Variants in FAM171A1 observed in about 807,000 individuals in gnomAD.
FAM171A1 encodes the protein family with sequence similarity 171 member A1, also known as protein FAM171A1.
A neutral mutation model predicts 74.9 loss-of-function variants in FAM171A1; 23 were observed. The observed-to-expected ratio is 0.31, with a 90% CI of 0.22 to 0.44. The LOEUF is 0.44. Ranked by LOEUF, FAM171A1 falls within the 20% of genes least tolerant of loss-of-function variation. The pLI is 1.00. For synonymous variants in FAM171A1, 527 were observed against 505.7 expected, an observed-to-expected ratio of 1.04 and a Z score of -0.57; for missense variants, 1,162 against 1,159.2, an observed-to-expected ratio of 1.00 and a Z score of -0.03.
chr10:15,361,103 GATTA>G (rs1835988374), intron 1 of FAM171A1, among the ~76,000 whole-genome samples: 1 of 152,028 alleles, frequency 6.6e-6, no homozygotes, highest in Non-Finnish European at 1.5e-5. Context: ...AATAAAATAT[GATTA>G]ATTATAAAGG....
chr10:15,340,686 A>T (rs566765170), intron 1 of FAM171A1, among the ~76,000 whole-genome samples: 1 of 152,292 alleles, frequency 6.6e-6, no homozygotes, highest in South Asian at 2.1e-4. Context: ...GACGCATGCA[A>T]TAAATGGGTT....
In FAM171A1 at chr10:15,272,797, G is replaced by A. The variant is rs543614937; in HGVS notation, c.418+3058C>T. On this transcript the variant is annotated intron_variant, in intron 3 of 7. Transcript: ENST00000378116. ...CAACCTGCTCCTGAATGACTACTGGGTACATAACGAAATGAAGGCAGAAAT... is the reference window on the plus strand; with the variant it reads ...CAACCTGCTCCTGAATGACTACTGGATACATAACGAAATGAAGGCAGAAAT... Among the ~76,000 whole-genome samples, 7 of 152,298 alleles carry A rather than the reference G, an allele frequency of 4.6e-5. No individual in the cohort carries two copies. The South Asian group carries it at 1.5e-3, about 32-fold the overall frequency.
At chr10:15,270,811 G>A (rs1834814005) in intron 3 of FAM171A1, among the ~76,000 whole-genome samples, 1 of 152,176 alleles carries the variant, frequency 6.6e-6, no homozygotes, top group African/African-American at 2.4e-5. Flanking sequence ...CTGCAGCTGA[G>A]GGTCCTGACT....
At chr10:15,295,806 C>T (rs1835154845) in intron 1 of FAM171A1, among the ~76,000 whole-genome samples, 1 of 152,214 alleles carries the variant, frequency 6.6e-6, no homozygotes, top group Non-Finnish European at 1.5e-5. Flanking sequence ...GCTGCCTGGG[C>T]CAGGGAGGCC....
chr10:15,225,568 C>T (rs144030647), intron 5 of FAM171A1, among the ~76,000 whole-genome samples: 105 of 152,344 alleles, frequency 6.9e-4, no homozygotes, highest in African/African-American at 2.4e-3. Context: ...CCTGATGCCA[C>T]TGTGGGATGC....
chr10:15,261,704 C>T (rs1834659421), intron 3 of FAM171A1, among the ~76,000 whole-genome samples: 1 of 152,132 alleles, frequency 6.6e-6, no homozygotes, highest in African/African-American at 2.4e-5. Flanking sequence ...GTAACAGCAT[C>T]TATGAAGGGG....
At chr10:15,367,770 G>T (rs1836084152) in intron 1 of FAM171A1, among the ~76,000 whole-genome samples, 1 of 152,232 alleles carries the variant, frequency 6.6e-6, no homozygotes, top group Admixed American at 6.5e-5. Context: ...AAAACACCTT[G>T]CACTTTTCAG....
At chr10:15,255,290 G>A (rs1045121646) in intron 3 of FAM171A1, among the ~76,000 whole-genome samples, 13 of 152,090 alleles carry the variant, frequency 8.5e-5, no homozygotes, top group African/African-American at 2.4e-4. Context: ...CTGCAAACCC[G>A]TCTTTAATCT....
chr10:15,307,494 A>C (rs993702823), intron 1 of FAM171A1, among the ~76,000 whole-genome samples: 1 of 151,964 alleles, frequency 6.6e-6, no homozygotes, highest in African/African-American at 2.4e-5. Flanking sequence ...AAAACACAGC[A>C]AATTAGCCAG....
chr10:15,228,144 A>G (rs886113024), intron 5 of FAM171A1, among the ~76,000 whole-genome samples: 2 of 152,142 alleles, frequency 1.3e-5, no homozygotes, highest in East Asian at 3.9e-4. Context: ...CCTGCCTGGC[A>G]CATTTACTCT....
chr10:15,236,352 C>T lies in FAM171A1; in HGVS notation c.754+12287G>A, dbSNP rs538544596. 4.0e-5 allele frequency among the ~76,000 whole-genome samples: 6 copies of T among 151,600 alleles called. No individual in the cohort carries two copies. In the East Asian group the frequency reaches 5.8e-4, roughly 15 times the overall value. On this transcript the variant is annotated intron_variant, in intron 5 of 7. Coordinates refer to ENST00000378116, the MANE Select transcript of FAM171A1 (RefSeq NM_001010924.2). ...ATAGCAGCGATGATGATGATAAGAG[C>T]GGCAAACACATACGGAGGGTTTTCC...
intron 6 of FAM171A1, among the ~76,000 whole-genome samples, chr10:15,219,668 G>A (rs1231452116): frequency 3.9e-5 from 6 of 152,114 alleles, no homozygotes; most frequent in Non-Finnish European, 7.4e-5. Flanking sequence ...TGCAACCTCT[G>A]CCTCCTGGGT....
At chr10:15,229,484 CATCA>C (rs1834156858) in intron 5 of FAM171A1, among the ~76,000 whole-genome samples, 1 of 151,572 alleles carries the variant, frequency 6.6e-6, no homozygotes, top group Non-Finnish European at 1.5e-5. Context: ...ATTGTCACCC[CATCA>C]CCATAATCAC....
chr10:15,344,297 T>C (rs1224383131), intron 1 of FAM171A1, among the ~76,000 whole-genome samples: 1 of 152,220 alleles, frequency 6.6e-6, no homozygotes, highest in Non-Finnish European at 1.5e-5. Context: ...AGCAACTGTC[T>C]TCTACCAGTT....
intron 4 of FAM171A1, among the ~76,000 whole-genome samples, chr10:15,254,493 G>T (rs79099768): frequency 0.012 from 1,880 of 152,318 alleles, 19 homozygotes; most frequent in Non-Finnish European, 0.018. Context: ...AAGGCAACTG[G>T]TAACAGAAGA....
intron 1 of FAM171A1, among the ~76,000 whole-genome samples, chr10:15,357,928 G>T (rs1437751375): frequency 6.6e-6 from 1 of 152,182 alleles, no homozygotes; most frequent in African/African-American, 2.4e-5. Flanking sequence ...CCATCTATCA[G>T]TTCAAAATTA....
chr10:15,288,800 T>C (rs1259358568), intron 1 of FAM171A1, among the ~76,000 whole-genome samples: 2 of 150,112 alleles, frequency 1.3e-5, no homozygotes, highest in South Asian at 2.1e-4. Context: ...AATGTCAGTA[T>C]GATTCGGTAA....
intron 5 of FAM171A1, among the ~76,000 whole-genome samples, chr10:15,228,697 T>C: frequency 6.6e-6 from 1 of 152,224 alleles, no homozygotes; most frequent in East Asian, 1.9e-4. Flanking sequence ...CTCAGAACAC[T>C]GGGCAGATAA....
chr10:15,332,200 C>G (rs1283954798), intron 1 of FAM171A1, among the ~76,000 whole-genome samples: 1 of 151,938 alleles, frequency 6.6e-6, no homozygotes, highest in Non-Finnish European at 1.5e-5. Flanking sequence ...AGACAATCTG[C>G]CTGCCTCTGC....
Sources: gnomAD v4.1 joint callset for allele counts (sites outside exome capture counted in the v4.1 genomes callset) on GRCh38, gnomAD v4.1.1 for gene constraint, MANE v1.5 for transcripts, NCBI Gene and HGNC (gene_info 2026-07-23, HGNC 2026-07-21) for gene names.